The following PPP2R2B variants were observed in gnomAD, a reference collection of about 807,000 sequenced individuals.
The protein encoded by PPP2R2B is serine/threonine-protein phosphatase 2A 55 kDa regulatory subunit B beta isoform.
In PPP2R2B, 5 loss-of-function variants were observed where a neutral mutation model predicts 46.0. The ratio of observed to expected loss-of-function variants is 0.11; its 90% CI spans 0.06 to 0.23. The LOEUF (loss-of-function observed/expected upper bound fraction) is 0.23. Ranked by LOEUF, PPP2R2B falls within the 10% of genes least tolerant of loss-of-function variation. PPP2R2B has a pLI of 1.00. For synonymous variants in PPP2R2B, 215 were observed against 206.7 expected, an observed-to-expected ratio of 1.04 and a Z score of -0.34; for missense variants, 367 against 575.0, an observed-to-expected ratio of 0.64 and a Z score of 3.70.
chr5:146,868,039 T>G (rs1394331174), intron 2 of PPP2R2B, among the ~76,000 whole-genome samples: 1 of 152,198 alleles, frequency 6.6e-6, no homozygotes, highest in African/African-American at 2.4e-5. Context: ...TTAACCTCAT[T>G]GATTGGCACT....
chr5:146,841,705 T>C (rs568907260), intron 2 of PPP2R2B, among the ~76,000 whole-genome samples: 1 of 152,284 alleles, frequency 6.6e-6, no homozygotes, highest in African/African-American at 2.4e-5. Flanking sequence ...ACACCGCATG[T>C]TCTCACTTAT....
intron 1 of PPP2R2B, among the ~76,000 whole-genome samples, chr5:146,936,822 G>A (rs1015355221): frequency 2.0e-5 from 3 of 151,394 alleles, no homozygotes; most frequent in Admixed American, 6.6e-5. Context: ...AAGCCCTCCC[G>A]AGGTCCTTGT....
rs1770037147 is a variant in PPP2R2B, at chr5:146,584,390, C to T, written c.*5557G>A. The T allele has an allele frequency of 6.6e-6, 1 of 152,190 alleles. No homozygotes were observed. The allele number at this position is 152,190 out of a possible 1,614,324, so 9.4% of individuals were successfully genotyped here. On this transcript the variant is annotated 3_prime_UTR_variant, in exon 10 of 10. Transcript: ENST00000394411. ...GACAGACCAAATTTGTATTCTTGGT[C>T]AGCTGTCAGGCAATATTTAGTCACA...
At chr5:146,756,373 C>T (rs1753830842) in intron 2 of PPP2R2B, among the ~76,000 whole-genome samples, 1 of 152,166 alleles carries the variant, frequency 6.6e-6, no homozygotes, top group African/African-American at 2.4e-5. Context: ...TTCATATGGA[C>T]ACACTAAAGA....
intron 2 of PPP2R2B, among the ~76,000 whole-genome samples, chr5:146,875,250 G>C (rs1436931057): frequency 6.6e-6 from 1 of 152,116 alleles, no homozygotes; most frequent in Non-Finnish European, 1.5e-5. Flanking sequence ...ACAGTGCTTG[G>C]AACATAGAAG....
At chr5:146,923,766 C>T (rs890176547) in intron 1 of PPP2R2B, among the ~76,000 whole-genome samples, 1 of 152,156 alleles carries the variant, frequency 6.6e-6, no homozygotes, top group Admixed American at 6.5e-5. Flanking sequence ...AAGACACATG[C>T]ACACATATGT....
chr5:146,834,538 T>C (rs1312648302), intron 2 of PPP2R2B, among the ~76,000 whole-genome samples: 1 of 152,248 alleles, frequency 6.6e-6, no homozygotes, highest in Non-Finnish European at 1.5e-5. Context: ...ATCACAACTC[T>C]GATTGGTGCT....
At chr5:146,980,559 G>A (rs949482854) in intron 1 of PPP2R2B, among the ~76,000 whole-genome samples, 4 of 152,264 alleles carry the variant, frequency 2.6e-5, no homozygotes, top group African/African-American at 9.6e-5. Flanking sequence ...GAGAATGGAG[G>A]CTCCCATGCC....
intron 2 of PPP2R2B, among the ~76,000 whole-genome samples, chr5:146,849,144 T>C (rs1179237579): frequency 2.0e-5 from 3 of 152,222 alleles, no homozygotes; most frequent in Non-Finnish European, 4.4e-5. Context: ...TCCTGGTTCC[T>C]TTTATTAAAG....
intron 1 of PPP2R2B, among the ~76,000 whole-genome samples, chr5:146,898,938 C>T (rs1357329833): frequency 1.4e-5 from 2 of 141,184 alleles, no homozygotes; most frequent in African/African-American, 5.6e-5. Context: ...CCATCTCACA[C>T]CAGTTAGAAT....
At chr5:147,055,983 G>T, upstream of PPP2R2B, 1 of 1,344,718 alleles carries the variant, frequency 7.4e-7, no homozygotes, top group Non-Finnish European at 9.6e-7. Flanking sequence ...AGCAAGCCGG[G>T]ATATAGCCTC....
At chr5:147,056,126 C>T (rs1306437020), upstream of PPP2R2B, 4 of 1,047,750 alleles carry the variant, frequency 3.8e-6, no homozygotes, top group Non-Finnish European at 4.6e-6. Context: ...CAAGAGAAAT[C>T]CAGCAGGATA....
chr5:146,614,939 T>G (rs1388727625), intron 7 of PPP2R2B, among the ~76,000 whole-genome samples: 2 of 122,334 alleles, frequency 1.6e-5, no homozygotes, highest in Non-Finnish European at 3.2e-5. Context: ...TGGAAGTCAG[T>G]ATGGCGATTC....
intron 1 of PPP2R2B, among the ~76,000 whole-genome samples, chr5:146,996,624 G>T (rs1753934050): frequency 6.6e-6 from 1 of 152,116 alleles, no homozygotes; most frequent in South Asian, 2.1e-4. Flanking sequence ...GAGTTAGGAG[G>T]CTAGAAGAAC....
At chr5:146,846,307 A>G (rs1760002793) in intron 2 of PPP2R2B, among the ~76,000 whole-genome samples, 1 of 151,726 alleles carries the variant, frequency 6.6e-6, no homozygotes, top group Non-Finnish European at 1.5e-5. Flanking sequence ...TGAACCTGGG[A>G]GGCAGAGGTT....
chr5:146,788,653 C>A (rs971762922), intron 2 of PPP2R2B, among the ~76,000 whole-genome samples: 2 of 152,142 alleles, frequency 1.3e-5, no homozygotes, highest in Non-Finnish European at 2.9e-5. Flanking sequence ...ATCCCTTGAA[C>A]CCAGGAGGCA....
chr5:146,903,938 T>G (rs1469618223), intron 1 of PPP2R2B, among the ~76,000 whole-genome samples: 1 of 152,140 alleles, frequency 6.6e-6, no homozygotes, highest in Admixed American at 6.6e-5. Context: ...GATAGATTCT[T>G]CCCATTTCAT....
intron 1 of PPP2R2B, among the ~76,000 whole-genome samples, chr5:146,954,401 A>G (rs2151837602): frequency 6.6e-6 from 1 of 152,312 alleles, no homozygotes; most frequent in Non-Finnish European, 1.5e-5. Context: ...AATCTCATCC[A>G]GGTCAGGAAT....
chr5:146,663,228 A>C (rs966651819), intron 5 of PPP2R2B, among the ~76,000 whole-genome samples: 12 of 152,190 alleles, frequency 7.9e-5, no homozygotes, highest in African/African-American at 2.9e-4. Context: ...ACAGGTACTC[A>C]GTATTTCTAG....
Sources: gnomAD v4.1 joint callset for allele counts (sites outside exome capture counted in the v4.1 genomes callset) on GRCh38, gnomAD v4.1.1 for gene constraint, MANE v1.5 for transcripts, NCBI Gene and HGNC (gene_info 2026-07-23, HGNC 2026-07-21) for gene names.